The following GRIN1 variants were observed in gnomAD, a reference collection of about 807,000 sequenced individuals.
GRIN1 encodes the protein glutamate ionotropic receptor NMDA type subunit 1, also known as glutamate receptor ionotropic, NMDA 1.
Under a neutral mutation model 103.0 loss-of-function variants are expected in GRIN1, and 38 were observed. The observed-to-expected ratio is 0.37, with a 90% confidence interval of 0.28 to 0.48. The LOEUF is 0.48. GRIN1 is among the 20% of genes least tolerant of loss of function. The probability of loss-of-function intolerance (pLI) is 0.98; values close to 1 mark genes in which losing one functional copy is unlikely to be tolerated. For missense variants in GRIN1, 577 were observed against 1,288.9 expected (o/e 0.45, Z 8.46); for synonymous variants, 544 against 532.7 (o/e 1.02, Z -0.29).
At position 137,160,436 on chromosome 9, in the gene GRIN1, C is replaced by CT. The variant is rs563443845; in HGVS notation, c.1198-609dup. Among the ~76,000 whole-genome samples the CT allele has an allele frequency of 2.5e-3, 362 of 147,656 alleles. 1 individual carries two copies. Among genetic ancestry groups the CT allele is most frequent in the East Asian group, 6.3e-3 (32 of 5,066 alleles). ...GCTCCTCTGCTGGAGGGAATCATGT[C>CT]TTTTTTTTTTTGAGACAGAGTCTCG... On this transcript the variant is annotated intron_variant, in intron 8 of 19. Coordinates refer to ENST00000371561, the MANE Select transcript of GRIN1 (RefSeq NM_007327.4).
In GRIN1 at chr9:137,146,945, G is replaced by C. The variant is rs1177867402; in HGVS notation, c.570+1043G>C. ...TGTCGTGGGGGGTCTGCTGAGTCTTGGGGGGGAGGGGCATGGGCACCAAGG... is the reference window on the plus strand; with the variant it reads ...TGTCGTGGGGGGTCTGCTGAGTCTTCGGGGGGAGGGGCATGGGCACCAAGG... On this transcript the variant is annotated intron_variant, in intron 3 of 19. Coordinates refer to ENST00000371561, the MANE Select transcript of GRIN1 (RefSeq NM_007327.4). The surrounding 1 kb of genome is among the most constrained non-coding windows in gnomAD (Gnocchi z 6.7). Among the ~76,000 whole-genome samples the C allele has an allele frequency of 1.3e-5, 2 of 151,796 alleles. No individual in the cohort carries two copies. Among genetic ancestry groups the C allele is most frequent in the African/African-American group, 4.8e-5 (2 of 41,292 alleles).
At chr9:137,142,949 T>G (rs1286022342) in intron 2 of GRIN1, among the ~76,000 whole-genome samples, 1 of 152,172 alleles carries the variant, frequency 6.6e-6, no homozygotes, top group Admixed American at 6.5e-5. Context: ...AGGAGGGTCA[T>G]CCAGTCAGTT....
intron 19 of GRIN1, among the ~76,000 whole-genome samples, chr9:137,166,895 G>A (rs1833908308): frequency 6.6e-6 from 1 of 152,222 alleles, no homozygotes. Context: ...GAGAAACAGC[G>A]ATTTGGGGCA....
intron 18 of GRIN1, 93 bp from the exon 19 acceptor site, chr9:137,165,093 C>G: frequency 1.5e-5 from 14 of 931,176 alleles, no homozygotes; most frequent in South Asian, 1.3e-4. Context: ...CCCAAGTGGC[C>G]GGCCAGGCTG....
At chr9:137,142,168 A>G (rs1468738671) in intron 2 of GRIN1, 21 bp downstream of exon 2, 1 of 1,613,478 alleles carries the variant, frequency 6.2e-7, no homozygotes, top group Non-Finnish European at 8.5e-7. Flanking sequence ...CTGCCAGACC[A>G]GGCCTTCCGG....
At position 137,165,304 on chromosome 9, in the gene GRIN1, G is replaced by T. The variant is rs201887636; in HGVS notation, c.2700+8G>T. On this transcript the variant is annotated splice_region_variant and intron_variant, in intron 19 of 19. Transcript: ENST00000371561. ...AGGTCCTCCAAAGACACGGTAAGGG[G>T]GAGAGCACCCCAGTCCCGCGTCCGA... 9.0e-6 allele frequency: 14 copies of T among 1,552,130 alleles called. No individual in the cohort carries two copies. Among genetic ancestry groups the T allele is most frequent in the Non-Finnish European group, 1.2e-5 (14 of 1,125,672 alleles).
chr9:137,166,538 G>A (rs1833887243), intron 19 of GRIN1, among the ~76,000 whole-genome samples: 1 of 152,254 alleles, frequency 6.6e-6, no homozygotes. Flanking sequence ...TGGAAGCGGG[G>A]CAGACCTCCA....
At chr9:137,143,943 T>C (rs1283995062) in intron 2 of GRIN1, among the ~76,000 whole-genome samples, 1 of 152,210 alleles carries the variant, frequency 6.6e-6, no homozygotes, top group Admixed American at 6.5e-5. Flanking sequence ...CCGTGGCAGC[T>C]TGAAGCCAGG....
chr9:137,160,912 G>A, intron 8 of GRIN1, 144 bp from the exon 9 acceptor site: 2 of 1,023,928 alleles, frequency 2.0e-6, no homozygotes, highest in Non-Finnish European at 3.0e-6. Flanking sequence ...GAGAGGGGCA[G>A]TGGCCGGCGG....
chr9:137,144,488 A>C (rs1365802985), intron 2 of GRIN1, among the ~76,000 whole-genome samples: 3 of 151,874 alleles, frequency 2.0e-5, no homozygotes, highest in Non-Finnish European at 2.9e-5. Flanking sequence ...CCCCATCTCC[A>C]CTAAAAATAC....
rs11146022 is a variant in GRIN1 at position 137,145,519 on chromosome 9, G to A, written c.394-207G>A. Among the ~76,000 whole-genome samples the A allele has an allele frequency of 7.9e-3, 278 of 35,398 alleles. 16 individuals carry two copies. The highest frequency in any genetic ancestry group is 0.02 in the African/African-American group (238 of 11,616). The allele number at this position is 35,398 out of a possible 152,430, so 23.2% of individuals were successfully genotyped here. ...GGTGGGAGACACGAGGGGGTCCCAGGGTCTAGAAAGTGTCCCCAGGGTGGT... is the reference window on the plus strand; with the variant it reads ...GGTGGGAGACACGAGGGGGTCCCAGAGTCTAGAAAGTGTCCCCAGGGTGGT... On this transcript the variant is annotated intron_variant, in intron 2 of 19. Coordinates refer to ENST00000371561, the MANE Select transcript of GRIN1 (RefSeq NM_007327.4).
At chr9:137,166,294 G>A (rs1416926273) in intron 19 of GRIN1, among the ~76,000 whole-genome samples, 2 of 152,152 alleles carry the variant, frequency 1.3e-5, no homozygotes, top group East Asian at 1.9e-4. Context: ...ATGCACACTC[G>A]GACCAGAGGC....
Position 137,142,123 on chromosome 9 carries a change from C to T in GRIN1, c.369C>T (p.Thr123=). 1 of 1,614,212 alleles carries T rather than the reference C, an allele frequency of 6.2e-7. No individual in the cohort carries two copies. Among genetic ancestry groups the T allele is most frequent in the Non-Finnish European group, 8.5e-7 (1 of 1,180,036 alleles). Residue 123 remains threonine (T), a synonymous_variant, in exon 2 of 20, where the codon ACC becomes ACT. Transcript: ENST00000371561. ...GCATACCCGTGCTGGGGCTGACCAC[C>T]CGCATGTCCATCTACTCGGACAAGG... The part of the protein sequence containing the change: ...FYRIPVLGLT[T]RMSIYSDKSI...
rs199804460 is a variant in GRIN1, at chr9:137,161,271, C to CGTA, written c.1340-18_1340-17insGTA. The CGTA allele has an allele frequency of 1.2e-3, 1,930 of 1,611,816 alleles. 31 individuals carry two copies. The African/African-American group carries it at 0.023, about 19-fold the overall frequency. On this transcript the variant is annotated splice_polypyrimidine_tract_variant and intron_variant, in intron 9 of 19. Transcript: ENST00000371561. Reference sequence around the variant, plus strand: ...GGGGCGGTCTGGAGCCCAGCAGTTACCGCCCGCACCTACCCAGCCCGCCAC... The same window carrying CGTA: ...GGGGCGGTCTGGAGCCCAGCAGTTACGTACGCCCGCACCTACCCAGCCCGCCAC...
At position 137,167,713 on chromosome 9, in the gene GRIN1, C is replaced by G; in HGVS notation, c.*186C>G. On this transcript the variant is annotated 3_prime_UTR_variant, in exon 20 of 20. Coordinates refer to ENST00000371561, the MANE Select transcript of GRIN1 (RefSeq NM_007327.4). The stretch of plus-strand genomic sequence containing the variant: ...GCTGGCCGGTCCACCCCGTCCCGGC[C>G]CCGCGCGTGCCCCCAGCGTGGGGCT... 6.2e-7 allele frequency: 1 copy of G among 1,607,600 alleles called. No individual in the cohort carries two copies.
In GRIN1 at chr9:137,163,380, T is replaced by G. The variant is rs749575070; in HGVS notation, c.2333+50T>G. On this transcript the variant is annotated intron_variant, in intron 16 of 19. Coordinates refer to ENST00000371561, the MANE Select transcript of GRIN1 (RefSeq NM_007327.4). ...CTCCTCCGCCCCTCTCCGCCAGAGGTGGACGCCCTCCCCAGTGCCAGACCA... is the reference window on the plus strand; with the variant it reads ...CTCCTCCGCCCCTCTCCGCCAGAGGGGGACGCCCTCCCCAGTGCCAGACCA... 3 of 1,596,826 alleles carry G rather than the reference T, an allele frequency of 1.9e-6. No homozygotes were observed. The Admixed American group carries it at 5.0e-5, about 27-fold the overall frequency.
intron 19 of GRIN1, among the ~76,000 whole-genome samples, chr9:137,166,334 C>T (rs1833877641): frequency 6.6e-6 from 1 of 152,244 alleles, no homozygotes; most frequent in Non-Finnish European, 1.5e-5. Flanking sequence ...TTGCTAGAGG[C>T]ACCCCAGGCC....
At chr9:137,161,825 A>G in intron 10 of GRIN1, 99 bp from the exon 11 acceptor site, 1 of 1,241,580 alleles carries the variant, frequency 8.1e-7, no homozygotes, top group Non-Finnish European at 1.1e-6. Flanking sequence ...CTTGGGGAGA[A>G]GACCCCCGGA....
intron 4 of GRIN1, among the ~76,000 whole-genome samples, chr9:137,153,561 C>T (rs1833034854): frequency 6.6e-6 from 1 of 152,128 alleles, no homozygotes; most frequent in African/African-American, 2.4e-5. Context: ...CATGCATACA[C>T]CATACACACG....
Sources: allele counts gnomAD v4.1 joint callset (sites outside exome capture counted in the v4.1 genomes callset), GRCh38; gene constraint gnomAD v4.1.1; non-coding constraint Gnocchi (gnomAD v3.1); transcripts MANE v1.5; gene names NCBI Gene and HGNC (gene_info 2026-07-23, HGNC 2026-07-21).